MRC1: variants seen among roughly 807,000 people sequenced by gnomAD.
MRC1 encodes the protein macrophage mannose receptor 1.
MRC1 carries 62 observed loss-of-function variants against 102.9 expected under a neutral mutation model. That is an observed-to-expected ratio of 0.60 (90% CI 0.49 to 0.74). The LOEUF is 0.74. Ranked by LOEUF, MRC1 falls within the 30% of genes least tolerant of loss-of-function variation. The pLI is 0.00. For synonymous variants in MRC1, 457 were observed against 298.4 expected, an observed-to-expected ratio of 1.53 and a Z score of -5.48; for missense variants, 1,237 against 862.8, an observed-to-expected ratio of 1.43 and a Z score of -5.43.
intron 9 of MRC1, among the ~76,000 whole-genome samples, chr10:17,860,730 A>G (rs1009794031): frequency 2.0e-5 from 3 of 152,090 alleles, no homozygotes; most frequent in Non-Finnish European, 1.5e-5. Flanking sequence ...CTCTTCCCCA[A>G]ATTCTTTCCT....
At chr10:17,812,051 A>G (rs1461148663) in intron 1 of MRC1, among the ~76,000 whole-genome samples, 6 of 151,926 alleles carry the variant, frequency 3.9e-5, no homozygotes, top group African/African-American at 1.2e-4. Flanking sequence ...AGGTCTCCCT[A>G]CTTGCCATCA....
At chr10:17,850,446 AT>A (rs1224473813) in intron 7 of MRC1, among the ~76,000 whole-genome samples, 7 of 152,022 alleles carry the variant, frequency 4.6e-5, no homozygotes, top group African/African-American at 1.7e-4. Flanking sequence ...ACTAAAAAAA[AT>A]TTTTTTTAAA....
Position 17,829,684 on chromosome 10 carries a change from A to T in MRC1, c.637+1969A>T, listed in dbSNP as rs1300498414. Among the ~76,000 whole-genome samples the T allele has an allele frequency of 7.9e-5, 12 of 151,656 alleles. 1 individual carries two copies. Among genetic ancestry groups the T allele is most frequent in the Non-Finnish European group, 1.0e-4 (7 of 68,028 alleles). On this transcript the variant is annotated intron_variant, in intron 3 of 29. Transcript: ENST00000569591. ...CTTTCTCCTTTACTTAATAGGAATG[A>T]TATTTTCTTAATCTGTTTCATGGAC...
intron 16 of MRC1, among the ~76,000 whole-genome samples, chr10:17,874,090 G>A (rs1173731586): frequency 6.6e-6 from 1 of 152,132 alleles, no homozygotes; most frequent in East Asian, 1.9e-4. Flanking sequence ...ACATATATTA[G>A]TGTCCACAGG....
intron 23 of MRC1, among the ~76,000 whole-genome samples, chr10:17,896,257 A>G (rs1833753726): frequency 6.6e-6 from 1 of 152,342 alleles, no homozygotes; most frequent in Admixed American, 6.5e-5. Context: ...ATGTCAACTC[A>G]TGACAATGAC....
At chr10:17,846,159 C>A (rs893115424) in intron 6 of MRC1, among the ~76,000 whole-genome samples, 8 of 152,058 alleles carry the variant, frequency 5.3e-5, no homozygotes. Flanking sequence ...CTACCCACCT[C>A]AGCCTCCCAA....
chr10:17,857,945 T>C (rs1168653976), intron 9 of MRC1, among the ~76,000 whole-genome samples: 1 of 152,166 alleles, frequency 6.6e-6, no homozygotes, highest in Non-Finnish European at 1.5e-5. Flanking sequence ...TATATAAATG[T>C]AAATCCTCAT....
intron 24 of MRC1, among the ~76,000 whole-genome samples, 156 bp downstream of exon 24, chr10:17,898,422 GGAC>G (rs1158380040): frequency 1.3e-5 from 2 of 152,182 alleles, no homozygotes; most frequent in Non-Finnish European, 2.9e-5. Flanking sequence ...AATCTTTCAG[GGAC>G]GTGATGCCTT....
At chr10:17,862,597 CTG>C (rs1217993157) in intron 10 of MRC1, among the ~76,000 whole-genome samples, 1 of 152,176 alleles carries the variant, frequency 6.6e-6, no homozygotes, top group Non-Finnish European at 1.5e-5. Flanking sequence ...AGTTCACTAA[CTG>C]TTGTTAAATA....
At chr10:17,889,249 A>C (rs2130702933) in intron 22 of MRC1, among the ~76,000 whole-genome samples, 1 of 152,190 alleles carries the variant, frequency 6.6e-6, no homozygotes, top group Admixed American at 6.5e-5. Flanking sequence ...ATGATTGTTG[A>C]TGTAGCTGGG....
intron 5 of MRC1, among the ~76,000 whole-genome samples, chr10:17,842,135 T>A (rs1037772744): frequency 4.2e-4 from 64 of 152,102 alleles, no homozygotes; most frequent in Non-Finnish European, 6.3e-4. Flanking sequence ...GCTAATTTTT[T>A]AATTTTTTGT....
intron 8 of MRC1, 117 bp downstream of exon 8, chr10:17,853,241 G>T: frequency 1.4e-6 from 1 of 714,522 alleles, no homozygotes; most frequent in East Asian, 2.5e-5. Context: ...AATTGGCATG[G>T]ATCAAAGGTG....
At chr10:17,826,791 G>A (rs1041606499) in intron 2 of MRC1, among the ~76,000 whole-genome samples, 1 of 152,126 alleles carries the variant, frequency 6.6e-6, no homozygotes, top group Non-Finnish European at 1.5e-5. Flanking sequence ...CAATCTGTTG[G>A]CCTTAACTTG....
rs1284638702 is a variant in MRC1, at chr10:17,911,042, T to A, written c.*577T>A. On this transcript the variant is annotated 3_prime_UTR_variant, in exon 30 of 30. Coordinates refer to ENST00000569591, the MANE Select transcript of MRC1 (RefSeq NM_002438.4). ...TACAGGCTGAGTGTTGCAAATGTGT[T>A]CTTTGTCCTGTTATATGTATATCAG... 3.1e-5 allele frequency: 5 copies of A among 162,138 alleles called. No individual in the cohort carries two copies. Among genetic ancestry groups the A allele is most frequent in the African/African-American group, 1.2e-4 (5 of 41,490 alleles). 10.0% of individuals were successfully genotyped at this position (162,138 alleles called of 1,614,324 possible).
chr10:17,813,622 G>A (rs1307550983), intron 1 of MRC1, among the ~76,000 whole-genome samples: 1 of 143,942 alleles, frequency 6.9e-6, no homozygotes, highest in Non-Finnish European at 1.5e-5. Context: ...TGGAACATAG[G>A]GCTAGATTTT....
chr10:17,840,739 T>C lies in MRC1; in HGVS notation c.849T>C (p.Ser283=). 1.3e-6 allele frequency: 1 copy of C among 780,886 alleles called. No homozygotes were observed. Among genetic ancestry groups the C allele is most frequent in the South Asian group, 1.3e-5 (1 of 74,620 alleles). The allele number at this position is 780,886 out of a possible 1,614,324, so 48.4% of individuals were successfully genotyped here. A position where few individuals can be genotyped will look rare whatever the true frequency, so the allele number is the denominator to read the frequency against. ...CAGGACTCTGGATTGGACTTAACAG[T>C]CTGAGCTTCAACAGCGGTTGGCAGT... ...LTSGLWIGLN[S]LSFNSGWQWS... is the part of the protein sequence containing the mutation. Residue 283 remains serine, a synonymous_variant, in exon 5 of 30, where the codon AGT becomes AGC. Transcript: ENST00000569591.
chr10:17,880,420 CTAAA>C (rs1429479398), intron 19 of MRC1, 101 bp from the exon 20 acceptor site: 4 of 742,712 alleles, frequency 5.4e-6, no homozygotes, highest in African/African-American at 5.3e-5. Flanking sequence ...TGATTATAGT[CTAAA>C]TAAGTTTTGA....
intron 26 of MRC1, among the ~76,000 whole-genome samples, chr10:17,905,889 A>C (rs1234667743): frequency 3.3e-5 from 5 of 152,202 alleles, no homozygotes; most frequent in African/African-American, 7.2e-5. Context: ...TACCTATTTA[A>C]TGAAGTGATT....
chr10:17,836,830 C>T (rs985723680), intron 4 of MRC1, among the ~76,000 whole-genome samples: 12 of 150,688 alleles, frequency 8.0e-5, no homozygotes, highest in Admixed American at 4.0e-4. Flanking sequence ...GAGTGAAACT[C>T]GTCTCAAAAA....
Sources: gnomAD v4.1 joint callset for allele counts (sites outside exome capture counted in the v4.1 genomes callset) on GRCh38, gnomAD v4.1.1 for gene constraint, MANE v1.5 for transcripts, NCBI Gene and HGNC (gene_info 2026-07-23, HGNC 2026-07-21) for gene names.